EXT1: variants seen among roughly 807,000 people sequenced by gnomAD.
The protein encoded by EXT1 is exostosin-1.
A neutral mutation model predicts 82.5 loss-of-function variants in EXT1; 20 were observed. The observed-to-expected ratio is 0.24, with a 90% confidence interval of 0.17 to 0.35. EXT1 has a LOEUF of 0.35. EXT1 is among the 10% of genes least tolerant of loss of function. The probability of loss-of-function intolerance (pLI) is 1.00; values close to 1 mark genes in which losing one functional copy is unlikely to be tolerated. For synonymous variants in EXT1, 348 were observed against 350.8 expected, an observed-to-expected ratio of 0.99 and a Z score of 0.09; for missense variants, 757 against 936.5, an observed-to-expected ratio of 0.81 and a Z score of 2.50.
At chr8:117,872,872 G>A (rs931552075) in intron 1 of EXT1, among the ~76,000 whole-genome samples, 1 of 151,738 alleles carries the variant, frequency 6.6e-6, no homozygotes, top group African/African-American at 2.4e-5. Context: ...TAGGGTTGAG[G>A]AAGCCAAGAT....
intron 1 of EXT1, among the ~76,000 whole-genome samples, chr8:117,997,577 G>T (rs937600514): frequency 6.6e-6 from 1 of 152,006 alleles, no homozygotes; most frequent in Non-Finnish European, 1.5e-5. Context: ...TATATACCTA[G>T]GGATAAGTGG....
intron 1 of EXT1, among the ~76,000 whole-genome samples, chr8:117,854,039 A>G (rs1321946630): frequency 6.6e-6 from 1 of 152,272 alleles, no homozygotes; most frequent in Non-Finnish European, 1.5e-5. Flanking sequence ...CCCTTCTTCA[A>G]GTACTCACTG....
At chr8:118,013,285 T>C (rs975631303) in intron 1 of EXT1, among the ~76,000 whole-genome samples, 2 of 152,138 alleles carry the variant, frequency 1.3e-5, no homozygotes, top group Non-Finnish European at 2.9e-5. Context: ...CTTAGCTCAC[T>C]GCAATCTTCA....
At chr8:117,923,115 A>C (rs890792953) in intron 1 of EXT1, among the ~76,000 whole-genome samples, 167 of 152,068 alleles carry the variant, frequency 1.1e-3, no homozygotes, top group African/African-American at 3.7e-3. Context: ...ACTTGAGGTC[A>C]GGAGTTCGAG....
At chr8:117,921,342 T>C (rs892701739) in intron 1 of EXT1, among the ~76,000 whole-genome samples, 3 of 152,096 alleles carry the variant, frequency 2.0e-5, no homozygotes, top group African/African-American at 7.2e-5. Context: ...ACAGACCCAG[T>C]GAGACACATA....
At position 118,111,155 on chromosome 8, in the gene EXT1, A is replaced by T; in HGVS notation, c.-109T>A. On this transcript the variant is annotated 5_prime_UTR_variant, in exon 1 of 11. The change creates a new upstream start codon in the 5' untranslated region. Transcript: ENST00000378204. ...CATCTTCCCGCCTGTAAAGACTTCA[A>T]ACTCTCCGCTCCCACCTTCTCTGGA... 6.9e-7 allele frequency: 1 copy of T among 1,453,782 alleles called. No homozygotes were observed. The highest frequency in any genetic ancestry group is 9.3e-7 in the Non-Finnish European group (1 of 1,073,244). 90.1% of individuals were successfully genotyped at this position (1,453,782 alleles called of 1,614,324 possible).
At chr8:117,808,063 T>A (rs1436252804) in intron 8 of EXT1, among the ~76,000 whole-genome samples, 1 of 152,206 alleles carries the variant, frequency 6.6e-6, no homozygotes, top group Non-Finnish European at 1.5e-5. Flanking sequence ...TGCAGCTAAA[T>A]GTCTCTCCGG....
intron 1 of EXT1, among the ~76,000 whole-genome samples, chr8:117,972,399 T>G (rs1328210928): frequency 6.6e-6 from 1 of 152,104 alleles, no homozygotes; most frequent in East Asian, 1.9e-4. Flanking sequence ...ATTAGTTAAG[T>G]GATAGATAGA....
At chr8:117,951,344 G>A (rs563344695) in intron 1 of EXT1, among the ~76,000 whole-genome samples, 1 of 152,286 alleles carries the variant, frequency 6.6e-6, no homozygotes, top group East Asian at 1.9e-4. Flanking sequence ...TAGGTTCAGG[G>A]TCTCACAGCA....
intron 1 of EXT1, among the ~76,000 whole-genome samples, chr8:117,864,591 T>C (rs1322256117): frequency 6.6e-6 from 1 of 151,874 alleles, no homozygotes; most frequent in East Asian, 1.9e-4. Context: ...CTACTAAAAA[T>C]ACAAAAAATT....
chr8:117,945,156 C>T (rs536299328), intron 1 of EXT1, among the ~76,000 whole-genome samples: 16 of 152,234 alleles, frequency 1.1e-4, no homozygotes, highest in African/African-American at 3.6e-4. Context: ...AGCGAGACTC[C>T]GTCTCAAGAA....
chr8:117,892,830 T>A (rs1813269734), intron 1 of EXT1, among the ~76,000 whole-genome samples: 1 of 152,110 alleles, frequency 6.6e-6, no homozygotes, highest in South Asian at 2.1e-4. Flanking sequence ...GAGTTGGCTG[T>A]ATATGAGAGA....
At chr8:117,814,979 C>T (rs760571998) in intron 7 of EXT1, among the ~76,000 whole-genome samples, 1 of 152,202 alleles carries the variant, frequency 6.6e-6, no homozygotes, top group Non-Finnish European at 1.5e-5. Flanking sequence ...ATAGCTGTAG[C>T]ACACATGGCT....
intron 1 of EXT1, among the ~76,000 whole-genome samples, chr8:117,962,884 C>T (rs765418800): frequency 6.6e-6 from 1 of 152,046 alleles, no homozygotes; most frequent in Non-Finnish European, 1.5e-5. Flanking sequence ...TGTAATTGCA[C>T]TGCTGCACTC....
rs141739739 is a variant in EXT1 at position 118,076,133 on chromosome 8, A to C, written c.962+33952T>G. ...CAATATTCCAAAAGAACCTCCCAGA[A>C]AATTTGTAAGTTGCTTTATAAGAGT... On this transcript the variant is annotated intron_variant, in intron 1 of 10. Coordinates refer to ENST00000378204, the MANE Select transcript of EXT1 (RefSeq NM_000127.3). 2.6e-5 allele frequency among the ~76,000 whole-genome samples: 4 copies of C among 152,324 alleles called. 1 individual carries two copies. The East Asian group carries it at 7.7e-4, about 29-fold the overall frequency.
At chr8:117,885,434 G>A (rs1356690834) in intron 1 of EXT1, among the ~76,000 whole-genome samples, 1 of 149,780 alleles carries the variant, frequency 6.7e-6, no homozygotes, top group East Asian at 1.9e-4. Context: ...CGTACTGGCA[G>A]GGGAGGAGAA....
At chr8:118,035,077 A>G (rs1338437108) in intron 1 of EXT1, among the ~76,000 whole-genome samples, 1 of 152,266 alleles carries the variant, frequency 6.6e-6, no homozygotes, top group Non-Finnish European at 1.5e-5. Flanking sequence ...GGGTCTTAAC[A>G]GAAACAGAGC....
chr8:117,987,518 G>A (rs1204522610), intron 1 of EXT1, among the ~76,000 whole-genome samples: 10 of 152,196 alleles, frequency 6.6e-5, no homozygotes, highest in Admixed American at 6.5e-5. Flanking sequence ...AAAAGTTTAC[G>A]AGAAGAGCAT....
intron 1 of EXT1, among the ~76,000 whole-genome samples, chr8:118,091,830 A>G (rs1359390019): frequency 1.3e-5 from 2 of 152,148 alleles, no homozygotes; most frequent in Non-Finnish European, 2.9e-5. Context: ...TTTCTATTCA[A>G]CATTCTCTGT....
Sources: gnomAD v4.1 joint callset for allele counts (sites outside exome capture counted in the v4.1 genomes callset) on GRCh38, gnomAD v4.1.1 for gene constraint, MANE v1.5 for transcripts, NCBI Gene and HGNC (gene_info 2026-07-23, HGNC 2026-07-21) for gene names.